The following PLIN2 variants were observed in gnomAD, a reference collection of about 807,000 sequenced individuals.
The protein encoded by PLIN2 is perilipin 2, also known as perilipin-2.
Under a neutral mutation model 30.6 loss-of-function variants are expected in PLIN2, and 33 were observed. That is an observed-to-expected ratio of 1.08 (90% CI 0.82 to 1.44). The LOEUF is 1.44. Ranked by LOEUF, PLIN2 falls within the 40% of genes most tolerant of loss-of-function variation. PLIN2 has a pLI of 0.00. For synonymous variants in PLIN2, 205 were observed against 201.1 expected, an observed-to-expected ratio of 1.02 and a Z score of -0.16; for missense variants, 610 against 531.8, an observed-to-expected ratio of 1.15 and a Z score of -1.45.
At chr9:19,119,973 C>A (rs1211765025) in intron 5 of PLIN2, 142 bp from the exon 6 acceptor site, 2 of 576,318 alleles carry the variant, frequency 3.5e-6, no homozygotes, top group Admixed American at 3.1e-5. Context: ...AGACTGCTCA[C>A]GTCTGCTGCT....
At position 19,120,733 on chromosome 9, in the gene PLIN2, T is replaced by C; in HGVS notation, c.595+147A>G. The stretch of plus-strand genomic sequence containing the variant: ...GACTGCAAACAGGCATGAGGATCTT[T>C]TGGGGTAGCAGAAGTGTTCTGAAAC... On this transcript the variant is annotated intron_variant, in intron 5 of 7. Coordinates refer to ENST00000276914, the MANE Select transcript of PLIN2 (RefSeq NM_001122.4). 4.7e-6 allele frequency: 3 copies of C among 633,376 alleles called. No individual in the cohort carries two copies. The South Asian group carries it at 5.8e-5, about 12-fold the overall frequency. The allele number at this position is 633,376 out of a possible 1,614,324, so 39.2% of individuals were successfully genotyped here. A position where few individuals can be genotyped will look rare whatever the true frequency, so the allele number is the denominator to read the frequency against.
chr9:19,110,739 GTGC>G (rs943915698), intron 2 of PLIN2, among the ~76,000 whole-genome samples: 3 of 152,114 alleles, frequency 2.0e-5, no homozygotes, highest in Admixed American at 1.3e-4. Context: ...GCCTCCCAAA[GTGC>G]TGGGATTACA....
chr9:19,126,986 G>A (rs1442281412), intron 1 of PLIN2, among the ~76,000 whole-genome samples: 1 of 152,052 alleles, frequency 6.6e-6, no homozygotes, highest in East Asian at 1.9e-4. Flanking sequence ...AGGTTGCAGT[G>A]AGCCTAGATG....
At chr9:19,122,169 G>A (rs532611922) in intron 4 of PLIN2, among the ~76,000 whole-genome samples, 4 of 138,158 alleles carry the variant, frequency 2.9e-5, no homozygotes, top group African/African-American at 5.4e-5. Flanking sequence ...GAAAATATCC[G>A]AAATGGAAAA....
intron 5 of PLIN2, 134 bp from the exon 6 acceptor site, chr9:19,119,965 A>G (rs999635445): frequency 3.4e-6 from 2 of 592,702 alleles, no homozygotes; most frequent in African/African-American, 1.8e-5. Flanking sequence ...TTTTTCCAAG[A>G]CTGCTCACGT....
downstream of PLIN2, among the ~76,000 whole-genome samples, chr9:19,114,409 AT>A (rs60356531): frequency 2.2e-3 from 311 of 143,692 alleles, 1 homozygote; most frequent in Non-Finnish European, 2.0e-3. Flanking sequence ...TCTATTTCAC[AT>A]TTTTTTTTTT....
At chr9:19,124,017 CAAAA>C (rs60330286) in intron 3 of PLIN2, among the ~76,000 whole-genome samples, 1 of 121,934 alleles carries the variant, frequency 8.2e-6, no homozygotes, top group Admixed American at 8.6e-5. Flanking sequence ...GACTCCATCT[CAAAA>C]AAAAAAAAAA....
At chr9:19,117,878 A>C (rs925326154) in intron 7 of PLIN2, among the ~76,000 whole-genome samples, 5 of 152,090 alleles carry the variant, frequency 3.3e-5, no homozygotes, top group Non-Finnish European at 7.4e-5. Context: ...CGGCCTCCCA[A>C]AGTGTTGGGA....
intron 3 of PLIN2, 30 bp downstream of exon 3, chr9:19,126,084 T>G (rs60329524): frequency 6.2e-7 from 1 of 1,601,506 alleles, no homozygotes; most frequent in African/African-American, 1.3e-5. Flanking sequence ...ACCAGTCCCT[T>G]GACTTGCATC....
At position 19,124,243 on chromosome 9, in the gene PLIN2, G is replaced by A. The variant is rs575771366; in HGVS notation, c.227-596C>T. ...AACTGGCCCCTAATGTTAATGCCAA[G>A]AGTAGCCGGGCTTTCCCTGAACTGT... On this transcript the variant is annotated intron_variant, in intron 3 of 7. Coordinates refer to ENST00000276914, the MANE Select transcript of PLIN2 (RefSeq NM_001122.4). Among the ~76,000 whole-genome samples, 11 of 152,270 alleles carry A rather than the reference G, an allele frequency of 7.2e-5. No homozygotes were observed. In the East Asian group the frequency reaches 1.7e-3, roughly 24 times the overall value.
chr9:19,118,846 C>G lies in PLIN2; in HGVS notation c.778-391G>C, dbSNP rs994445299. 4.6e-5 allele frequency among the ~76,000 whole-genome samples: 7 copies of G among 152,314 alleles called. No homozygotes were observed. The East Asian group carries it at 5.8e-4, about 13-fold the overall frequency. On this transcript the variant is annotated intron_variant, in intron 6 of 7. Transcript: ENST00000276914. ...TAGCTGGGATTACAGGCATACGCCA[C>G]CATGCCCAGCTAATTTTTGTATTTT...
Position 19,116,172 on chromosome 9 carries a change from G to A in PLIN2, c.*76C>T. On this transcript the variant is annotated 3_prime_UTR_variant, in exon 8 of 8. Coordinates refer to ENST00000276914, the MANE Select transcript of PLIN2 (RefSeq NM_001122.4). ...GCTACTTGCTTCCCAATTTAGGGTT[G>A]CCTAGCAAGTTAATTTCAACATAAC... is the stretch of plus-strand genomic sequence containing the variant. The A allele has an allele frequency of 7.1e-7, 1 of 1,402,156 alleles. No homozygotes were observed. Among genetic ancestry groups the A allele is most frequent in the Non-Finnish European group, 9.6e-7 (1 of 1,041,014 alleles). The allele number at this position is 1,402,156 out of a possible 1,614,324, so 86.9% of individuals were successfully genotyped here.
rs928106107 is a variant in PLIN2 at position 19,119,848 on chromosome 9, G to C, written c.596-17C>G. 4 of 1,539,220 alleles carry C rather than the reference G, an allele frequency of 2.6e-6. No homozygotes were observed. Among genetic ancestry groups the C allele is most frequent in the Middle Eastern group, 3.5e-4 (2 of 5,750 alleles). On this transcript the variant is annotated splice_polypyrimidine_tract_variant and intron_variant, in intron 5 of 7. Coordinates refer to ENST00000276914, the MANE Select transcript of PLIN2 (RefSeq NM_001122.4). The stretch of plus-strand genomic sequence containing the variant: ...CTTCTTTTTCTGAAGTTAGAAATAA[G>C]AGACAAAAAAACTTAAGGGATCACA...
intron 4 of PLIN2, among the ~76,000 whole-genome samples, chr9:19,122,792 A>C (rs1028010499): frequency 6.6e-6 from 1 of 151,986 alleles, no homozygotes; most frequent in South Asian, 2.1e-4. Flanking sequence ...TGAGAATCTA[A>C]TGATAAATAT....
chr9:19,117,830 G>C (rs1415452578), intron 7 of PLIN2, among the ~76,000 whole-genome samples: 1 of 151,806 alleles, frequency 6.6e-6, no homozygotes, highest in Non-Finnish European at 1.5e-5. Flanking sequence ...TGTTGGCCAG[G>C]ATGGTCTCGA....
At chr9:19,123,326 G>A (rs1818347052) in intron 4 of PLIN2, 3 of 1,543,800 alleles carry the variant, frequency 1.9e-6, no homozygotes, top group Non-Finnish European at 8.8e-7. Flanking sequence ...GACACAAACT[G>A]ATAGACAACA....
Position 19,116,747 on chromosome 9 carries a change from A to T in PLIN2, c.913-98T>A, listed in dbSNP as rs553544974. On this transcript the variant is annotated intron_variant, in intron 7 of 7. Coordinates refer to ENST00000276914, the MANE Select transcript of PLIN2 (RefSeq NM_001122.4). Reference sequence around the variant, plus strand: ...GGTTATGTGTCCACCACATATGTGGATTCTTTGGCTTTTAAAAATCCTCAT... The same window carrying T: ...GGTTATGTGTCCACCACATATGTGGTTTCTTTGGCTTTTAAAAATCCTCAT... 9.2e-6 allele frequency: 9 copies of T among 975,084 alleles called. No individual in the cohort carries two copies. The African/African-American group carries it at 1.3e-4, about 14-fold the overall frequency. The allele number at this position is 975,084 out of a possible 1,614,324, so 60.4% of individuals were successfully genotyped here. A position where few individuals can be genotyped will look rare whatever the true frequency, so the allele number is the denominator to read the frequency against.
At chr9:19,112,538 A>G (rs1588639894), downstream of PLIN2, among the ~76,000 whole-genome samples, 1 of 151,900 alleles carries the variant, frequency 6.6e-6, no homozygotes, top group Admixed American at 6.6e-5. Flanking sequence ...GTGAAACCCC[A>G]TCTTTACAAA....
chr9:19,123,901 C>T (rs1025441815), intron 3 of PLIN2, among the ~76,000 whole-genome samples: 4 of 151,852 alleles, frequency 2.6e-5, no homozygotes, highest in Non-Finnish European at 5.9e-5. Flanking sequence ...CGCCTGTAGT[C>T]CCAGCTACTC....
Sources: gnomAD v4.1 joint callset for allele counts (sites outside exome capture counted in the v4.1 genomes callset) on GRCh38, gnomAD v4.1.1 for gene constraint, MANE v1.5 for transcripts, NCBI Gene and HGNC (gene_info 2026-07-23, HGNC 2026-07-21) for gene names.